The following SPATA16 variants were observed in gnomAD, a reference collection of about 807,000 sequenced individuals.
The protein encoded by SPATA16 is spermatogenesis associated 16.
SPATA16 carries 36 observed loss-of-function variants against 63.3 expected under a neutral mutation model. That is an observed-to-expected ratio of 0.57 (90% CI 0.44 to 0.75). The LOEUF (loss-of-function observed/expected upper bound fraction) is 0.75, where lower values mean the gene tolerates loss of function less well. Ranked by LOEUF, SPATA16 falls within the 30% of genes least tolerant of loss-of-function variation. SPATA16 has a pLI of 0.00. For missense variants in SPATA16, 646 were observed against 679.3 expected (o/e 0.95, Z 0.54); for synonymous variants, 203 against 216.7 (o/e 0.94, Z 0.56).
intron 2 of SPATA16, among the ~76,000 whole-genome samples, chr3:173,066,843 C>A (rs567874444): frequency 6.6e-6 from 1 of 151,976 alleles, no homozygotes; most frequent in Non-Finnish European, 1.5e-5. Flanking sequence ...TGGCCACTCC[C>A]GGAGTGACAG....
chr3:172,968,796 C>T lies in SPATA16; in HGVS notation c.933+8172G>A, dbSNP rs150103584. On this transcript the variant is annotated intron_variant, in intron 5 of 10. Transcript: ENST00000351008. ...TTTAAAAGTGAACCTCTCCTACTGG[C>T]ATACTACCTCAAATAGCATCAAAGC... Among the ~76,000 whole-genome samples, 72 of 152,312 alleles carry T rather than the reference C, an allele frequency of 4.7e-4. No individual in the cohort carries two copies. The East Asian group carries it at 0.013, about 29-fold the overall frequency.
At chr3:172,984,168 A>G (rs568440503) in intron 4 of SPATA16, among the ~76,000 whole-genome samples, 1 of 152,280 alleles carries the variant, frequency 6.6e-6, no homozygotes, top group African/African-American at 2.4e-5. Context: ...ACACAAGCAC[A>G]TTTCAGGTGC....
intron 8 of SPATA16, among the ~76,000 whole-genome samples, chr3:172,922,359 G>C (rs1454991627): frequency 6.6e-6 from 1 of 152,188 alleles, no homozygotes; most frequent in Non-Finnish European, 1.5e-5. Context: ...AATATGAGAA[G>C]ACTGAGTTAT....
chr3:172,910,133 G>T (rs1239321423), intron 10 of SPATA16, among the ~76,000 whole-genome samples: 1 of 139,164 alleles, frequency 7.2e-6, no homozygotes, highest in Non-Finnish European at 1.5e-5. Context: ...TCACTCTGTC[G>T]CCCAGGCTGG....
chr3:173,025,025 G>A (rs1314010341), intron 3 of SPATA16, among the ~76,000 whole-genome samples: 1 of 150,546 alleles, frequency 6.6e-6, no homozygotes, highest in Non-Finnish European at 1.5e-5. Context: ...AATTATTTAG[G>A]ACAGCATTGT....
chr3:173,009,100 A>G (rs935749654), intron 4 of SPATA16, among the ~76,000 whole-genome samples: 1 of 152,204 alleles, frequency 6.6e-6, no homozygotes, highest in Non-Finnish European at 1.5e-5. Flanking sequence ...TGCACTTTAA[A>G]AAAACTGAAA....
rs369786686 is a variant in SPATA16, at chr3:173,073,916, G to A, written c.613-24822C>T. On this transcript the variant is annotated intron_variant, in intron 2 of 10. Coordinates refer to ENST00000351008, the MANE Select transcript of SPATA16 (RefSeq NM_031955.6). ...CTGTACCCTGCAAAGCCACAGAGGC[G>A]GAGCTACCCAAGACCATGGGAACCC... 2.6e-4 allele frequency among the ~76,000 whole-genome samples: 40 copies of A among 152,284 alleles called. 1 individual carries two copies. Among genetic ancestry groups the A allele is most frequent in the African/African-American group, 4.3e-4 (18 of 41,558 alleles).
rs373739058 is a variant in SPATA16 at position 172,951,926 on chromosome 3, C to T, written c.1081+4751G>A. On this transcript the variant is annotated intron_variant, in intron 6 of 10. Transcript: ENST00000351008. ...CAAAATCTTCAAGGTACAGATTGTA[C>T]GACCTTCATCTGTTGATTATTTATT... Among the ~76,000 whole-genome samples the T allele has an allele frequency of 2.3e-4, 35 of 152,262 alleles. 3 individuals carry two copies. In the South Asian group the frequency reaches 2.5e-3, roughly 11 times the overall value.
chr3:173,103,263 C>T (rs768853022), intron 2 of SPATA16, among the ~76,000 whole-genome samples: 5 of 152,170 alleles, frequency 3.3e-5, no homozygotes, highest in Non-Finnish European at 2.9e-5. Flanking sequence ...AAGGTGGTGG[C>T]CCCCTTTCCA....
intron 6 of SPATA16, among the ~76,000 whole-genome samples, chr3:172,956,245 C>T (rs1291422107): frequency 1.3e-5 from 2 of 151,870 alleles, no homozygotes; most frequent in Admixed American, 1.3e-4. Context: ...ACCAGTGATT[C>T]AAGAGCATAA....
chr3:172,892,620 T>C (rs1731914617), intron 10 of SPATA16, among the ~76,000 whole-genome samples: 1 of 152,234 alleles, frequency 6.6e-6, no homozygotes, highest in Non-Finnish European at 1.5e-5. Flanking sequence ...TTATTTTCTT[T>C]TTTTTATGTC....
intron 4 of SPATA16, among the ~76,000 whole-genome samples, chr3:173,017,555 T>C (rs1186161544): frequency 1.3e-5 from 2 of 152,212 alleles, no homozygotes; most frequent in African/African-American, 4.8e-5. Flanking sequence ...AAAGCCTGGA[T>C]TTGTAACATT....
intron 8 of SPATA16, among the ~76,000 whole-genome samples, chr3:172,919,457 C>T (rs1052961931): frequency 1.4e-4 from 22 of 152,098 alleles, no homozygotes; most frequent in African/African-American, 5.3e-4. Flanking sequence ...TATTGTGTAC[C>T]TAGTAGACTA....
intron 2 of SPATA16, among the ~76,000 whole-genome samples, chr3:173,057,582 A>G (rs1189889362): frequency 6.6e-6 from 1 of 152,142 alleles, no homozygotes; most frequent in Non-Finnish European, 1.5e-5. Flanking sequence ...TTCATTTTAT[A>G]AGCCAATGCT....
Position 173,122,950 on chromosome 3 carries a change from A to C in SPATA16, c.-18-5201T>G, listed in dbSNP as rs16846634. ...TCTGAGGTGCTATATTCTACAGTAT[A>C]TGGTAGCAATAATGGACATACTTCT... On this transcript the variant is annotated intron_variant, in intron 1 of 10. Coordinates refer to ENST00000351008, the MANE Select transcript of SPATA16 (RefSeq NM_031955.6). Among the ~76,000 whole-genome samples, 299 of 152,338 alleles carry C rather than the reference A, an allele frequency of 2.0e-3. 7 individuals carry two copies. In the East Asian group the frequency reaches 0.052, roughly 27 times the overall value.
At chr3:173,097,920 C>A (rs574456896) in intron 2 of SPATA16, among the ~76,000 whole-genome samples, 1 of 152,104 alleles carries the variant, frequency 6.6e-6, no homozygotes, top group Admixed American at 6.6e-5. Flanking sequence ...AAAGGAAGCA[C>A]AAGGGCATAA....
intron 3 of SPATA16, among the ~76,000 whole-genome samples, chr3:173,030,174 G>A (rs1022169905): frequency 3.3e-5 from 5 of 151,400 alleles, no homozygotes; most frequent in Admixed American, 2.0e-4. Context: ...AAATACTTAT[G>A]AAGTTAAATG....
intron 2 of SPATA16, among the ~76,000 whole-genome samples, chr3:173,051,365 G>A (rs1003389778): frequency 9.9e-5 from 15 of 152,110 alleles, no homozygotes; most frequent in African/African-American, 3.4e-4. Flanking sequence ...ACCACGCCCG[G>A]CTAATTTTTT....
chr3:172,967,179 C>A (rs929150125), intron 5 of SPATA16, among the ~76,000 whole-genome samples: 1 of 152,156 alleles, frequency 6.6e-6, no homozygotes, highest in African/African-American at 2.4e-5. Context: ...TGCTTTACAT[C>A]TCTAAGCGCA....
Sources: gnomAD v4.1 joint callset for allele counts (sites outside exome capture counted in the v4.1 genomes callset) on GRCh38, gnomAD v4.1.1 for gene constraint, MANE v1.5 for transcripts, NCBI Gene and HGNC (gene_info 2026-07-23, HGNC 2026-07-21) for gene names.